The following BCO1 variants were observed in gnomAD, a reference collection of about 807,000 sequenced individuals.
The protein encoded by BCO1 is beta,beta-carotene 15,15'-dioxygenase.
Under a neutral mutation model 56.3 loss-of-function variants are expected in BCO1, and 54 were observed. The ratio of observed to expected loss-of-function variants is 0.96; its 90% confidence interval spans 0.77 to 1.20. The LOEUF is 1.20. BCO1 is among the 50% of genes most tolerant of loss of function. The probability of loss-of-function intolerance (pLI) is 0.00; values close to 1 mark genes in which losing one functional copy is unlikely to be tolerated. For missense variants in BCO1, 801 were observed against 690.9 expected (o/e 1.16, Z -1.79); for synonymous variants, 318 against 266.1 (o/e 1.20, Z -1.90).
chr16:81,270,329 C>T lies in BCO1; in HGVS notation c.1014C>T (p.Ala338=), dbSNP rs949811399. ...DNSLYQLFYL[A]NLNQDFKENS... Reference sequence around the variant, plus strand: ...GCCTCTACCAGCTCTTCTACCTGGCCAACCTGAACCAGGACTTCAAGGAGA... The same window carrying T: ...GCCTCTACCAGCTCTTCTACCTGGCTAACCTGAACCAGGACTTCAAGGAGA... Residue 338 remains alanine (A), a synonymous_variant, in exon 7 of 11, where the codon GCC becomes GCT. Transcript: ENST00000258168. 2 of 1,614,100 alleles carry T rather than the reference C, an allele frequency of 1.2e-6. No homozygotes were observed. The highest frequency in any genetic ancestry group is 1.7e-6 in the Non-Finnish European group (2 of 1,180,004).
intron 7 of BCO1, among the ~76,000 whole-genome samples, chr16:81,280,269 CAAAAAAAAAAAAAA>C (rs58607661): frequency 1.6e-4 from 6 of 36,908 alleles, no homozygotes; most frequent in African/African-American, 4.3e-4. Context: ...GACTCCATCT[CAAAAAAAAAAAAAA>C]AAAAAAAAAA....
At chr16:81,270,073 G>A (rs528729448) in intron 6 of BCO1, 86 bp from the exon 7 acceptor site, 52 of 1,546,908 alleles carry the variant, frequency 3.4e-5, no homozygotes, top group Non-Finnish European at 3.8e-5. Context: ...AGCTCCTGGC[G>A]GGGCTGGGTT....
chr16:81,240,260 G>C (rs1040992536), intron 1 of BCO1, among the ~76,000 whole-genome samples: 5 of 151,620 alleles, frequency 3.3e-5, no homozygotes, highest in Admixed American at 3.3e-4. Flanking sequence ...TTAATATTTG[G>C]GTCTATTTCC....
intron 10 of BCO1, among the ~76,000 whole-genome samples, chr16:81,289,084 AC>A (rs1208256265): frequency 6.6e-6 from 1 of 152,104 alleles, no homozygotes; most frequent in East Asian, 1.9e-4. Flanking sequence ...TCAGAGAGTG[AC>A]CTTTTTGCCC....
intron 7 of BCO1, among the ~76,000 whole-genome samples, chr16:81,273,279 G>T (rs151230542): frequency 6.6e-6 from 1 of 152,064 alleles, no homozygotes; most frequent in South Asian, 2.1e-4. Context: ...CACCGTGGCC[G>T]GCCCTAAACC....
chr16:81,284,814 G>C (rs1423339074), intron 8 of BCO1, among the ~76,000 whole-genome samples: 3 of 146,534 alleles, frequency 2.0e-5, no homozygotes, highest in African/African-American at 7.5e-5. Context: ...TTTTTGTTTT[G>C]TTTTGTTTTC....
In BCO1 at chr16:81,280,874, A is replaced by T. The variant is rs1907839385; in HGVS notation, c.1119A>T (p.Thr373=). The T allele has an allele frequency of 6.2e-7, 1 of 1,613,988 alleles. No homozygotes were observed. The highest frequency in any genetic ancestry group is 8.5e-7 in the Non-Finnish European group (1 of 1,179,828). Residue 373 remains threonine (T), a synonymous_variant, in exon 8 of 11, where the codon ACA becomes ACT. Transcript: ENST00000258168. ...TTTTTCAGAATGCAGAAGTGGGCAC[A>T]AATTTAATCAAAGTGGCATCTACAA... The part of the protein sequence containing the change: ...LHVDKNAEVG[T]NLIKVASTTA...
intron 9 of BCO1, among the ~76,000 whole-genome samples, chr16:81,286,173 C>T (rs540424597): frequency 4.0e-4 from 61 of 152,270 alleles, no homozygotes; most frequent in African/African-American, 1.3e-3. Flanking sequence ...AGCCTCGAGC[C>T]ACCATGCCTG....
chr16:81,261,743 AT>A (rs60296313), intron 3 of BCO1, among the ~76,000 whole-genome samples: 1,761 of 144,396 alleles, frequency 0.012, 31 homozygotes, highest in African/African-American at 0.039. Context: ...GAAGTAAAGC[AT>A]TTTTTTTTTT....
intron 9 of BCO1, among the ~76,000 whole-genome samples, 154 bp downstream of exon 9, chr16:81,285,788 G>A (rs1235363497): frequency 1.3e-5 from 2 of 152,180 alleles, no homozygotes; most frequent in Non-Finnish European, 2.9e-5. Context: ...TGTTCAGCTG[G>A]GAGAGGGAGT....
chr16:81,255,027 C>G (rs1487945338), intron 2 of BCO1, among the ~76,000 whole-genome samples: 2 of 152,206 alleles, frequency 1.3e-5, no homozygotes, highest in African/African-American at 4.8e-5. Context: ...AAGCGATCCT[C>G]CCCTCTGGGC....
At chr16:81,244,844 C>T (rs951291418) in intron 1 of BCO1, among the ~76,000 whole-genome samples, 4 of 151,760 alleles carry the variant, frequency 2.6e-5, no homozygotes, top group Non-Finnish European at 4.4e-5. Flanking sequence ...CTCAACCTCC[C>T]AAGCAGCTGG....
At chr16:81,244,740 T>A (rs1905297440) in intron 1 of BCO1, among the ~76,000 whole-genome samples, 1 of 138,514 alleles carries the variant, frequency 7.2e-6, no homozygotes, top group Non-Finnish European at 1.6e-5. Context: ...TTTTTTTAAT[T>A]TTTTGAGACA....
chr16:81,284,999 G>C (rs1014963018), intron 8 of BCO1, among the ~76,000 whole-genome samples: 3 of 151,098 alleles, frequency 2.0e-5, no homozygotes, highest in African/African-American at 7.3e-5. Flanking sequence ...ACCATGCCTG[G>C]CTAATTTTCT....
At chr16:81,247,882 C>T (rs1336183823) in intron 2 of BCO1, among the ~76,000 whole-genome samples, 1 of 140,150 alleles carries the variant, frequency 7.1e-6, no homozygotes, top group African/African-American at 3.0e-5. Context: ...AAAATAAAAC[C>T]ACTATCTGTG....
Position 81,238,954 on chromosome 16 carries a change from G to C in BCO1, c.46G>C (p.Val16Leu). The change falls in exon 1 of 11, where the codon GTG becomes CTG. Residue 16 changes from valine to leucine, a missense_variant. Val to Leu is a conservative substitution (Grantham distance 32). Coordinates refer to ENST00000258168, the MANE Select transcript of BCO1 (RefSeq NM_017429.3). ...GAATAGGAAAGAACAGCTGGAGCCTGTGAGGGCCAAAGTGACAGGTGAGCA... is the reference window on the plus strand; with the variant it reads ...GAATAGGAAAGAACAGCTGGAGCCTCTGAGGGCCAAAGTGACAGGTGAGCA... ...GRNRKEQLEP[V>L]RAKVTGKIPA... The C allele has an allele frequency of 1.2e-6, 2 of 1,614,010 alleles. No homozygotes were observed. Among genetic ancestry groups the C allele is most frequent in the Non-Finnish European group, 1.7e-6 (2 of 1,179,976 alleles).
At chr16:81,255,414 T>G (rs924673664) in intron 2 of BCO1, among the ~76,000 whole-genome samples, 1 of 152,242 alleles carries the variant, frequency 6.6e-6, no homozygotes, top group African/African-American at 2.4e-5. Flanking sequence ...TGTACTTCAT[T>G]TGGTAAAAAA....
At chr16:81,286,642 A>G in intron 9 of BCO1, among the ~76,000 whole-genome samples, 1 of 151,862 alleles carries the variant, frequency 6.6e-6, no homozygotes, top group East Asian at 1.9e-4. Context: ...TGAGACCAGG[A>G]GTTCGAGACC....
chr16:81,241,181 G>C (rs950796351), intron 1 of BCO1, among the ~76,000 whole-genome samples: 4 of 151,918 alleles, frequency 2.6e-5, no homozygotes, highest in African/African-American at 9.7e-5. Flanking sequence ...AGGCATGGTG[G>C]TGCATATCTA....
Sources: allele counts gnomAD v4.1 joint callset (sites outside exome capture counted in the v4.1 genomes callset), GRCh38; gene constraint gnomAD v4.1.1; transcripts MANE v1.5; gene names NCBI Gene and HGNC (gene_info 2026-07-23, HGNC 2026-07-21).